The following HDAC9 variants were observed in gnomAD, a reference collection of about 807,000 sequenced individuals.
HDAC9 encodes the protein MEF-2 interacting transcription repressor (MITR) protein.
Under a neutral mutation model 139.4 loss-of-function variants are expected in HDAC9, and 41 were observed. The observed-to-expected ratio is 0.29, with a 90% confidence interval of 0.23 to 0.38. HDAC9 has a LOEUF of 0.38. HDAC9 is among the 10% of genes least tolerant of loss of function. The pLI, the probability that HDAC9 is intolerant of heterozygous loss-of-function variation, is 1.00. For missense variants in HDAC9, 1,147 were observed against 1,297.0 expected, an observed-to-expected ratio of 0.88 and a Z score of 1.78; for synonymous variants, 517 against 476.2, an observed-to-expected ratio of 1.09 and a Z score of -1.12.
chr7:18,218,326 C>A (rs1226506064), intron 2 of HDAC9, among the ~76,000 whole-genome samples: 1 of 152,024 alleles, frequency 6.6e-6, no homozygotes, highest in African/African-American at 2.4e-5. Flanking sequence ...CGCCTGTAAT[C>A]CCAGTTACTC....
At chr7:18,791,404 T>G (rs1286786222) in intron 16 of HDAC9, among the ~76,000 whole-genome samples, 1 of 152,188 alleles carries the variant, frequency 6.6e-6, no homozygotes, top group African/African-American at 2.4e-5. Flanking sequence ...CTAAAACCTA[T>G]ATAATACATG....
At chr7:18,699,476 C>A (rs1249851454) in intron 12 of HDAC9, among the ~76,000 whole-genome samples, 1 of 151,988 alleles carries the variant, frequency 6.6e-6, no homozygotes, top group Non-Finnish European at 1.5e-5. Context: ...AATCAGAATT[C>A]CTTAGTGCAA....
intron 11 of HDAC9, among the ~76,000 whole-genome samples, chr7:18,658,414 A>G (rs1237998546): frequency 1.3e-5 from 2 of 152,098 alleles, no homozygotes; most frequent in Admixed American, 6.6e-5. Flanking sequence ...GAACCAGAGG[A>G]AAAAAAATTT....
intron 2 of HDAC9, chr7:18,543,607 T>C (rs1813723240): frequency 6.6e-6 from 1 of 152,184 alleles, no homozygotes; most frequent in Admixed American, 6.5e-5. Context: ...TTTAAAAATA[T>C]GAATTGAGAT....
At chr7:18,914,199 C>T (rs1159525414) in intron 22 of HDAC9, among the ~76,000 whole-genome samples, 2 of 151,584 alleles carry the variant, frequency 1.3e-5, no homozygotes, top group Non-Finnish European at 2.9e-5. Context: ...AGTACTGAAT[C>T]TCCTATCAAT....
rs115906978 is a variant in HDAC9 at position 18,094,323 on chromosome 7, A to G, written c.-97+7110A>G. ...CTCTAAATAAACTTAATTTCTTCAT[A>G]TAGGTTTTAGATTTCCTAAACTAGA... is the stretch of plus-strand genomic sequence containing the variant. On this transcript the variant is annotated intron_variant, in intron 1 of 12. Transcript: ENST00000417496. 1.7e-3 allele frequency among the ~76,000 whole-genome samples: 252 copies of G among 152,294 alleles called. 2 individuals are homozygous for G. The highest frequency in any genetic ancestry group is 5.9e-3 in the African/African-American group (246 of 41,566).
At chr7:18,279,654 T>C (rs947490811) in intron 2 of HDAC9, among the ~76,000 whole-genome samples, 2 of 151,816 alleles carry the variant, frequency 1.3e-5, no homozygotes, top group East Asian at 1.9e-4. Flanking sequence ...TTAGTAGAGA[T>C]GGGATTTCAC....
chr7:18,830,248 C>T (rs1474513918), intron 19 of HDAC9, among the ~76,000 whole-genome samples: 1 of 152,100 alleles, frequency 6.6e-6, no homozygotes, highest in Non-Finnish European at 1.5e-5. Flanking sequence ...AAAGGACCAA[C>T]CCAGGAAAGG....
rs562309988 is a variant in HDAC9, at chr7:18,162,561, T to C, written c.25+212T>C. ...CCTGGACAACTGATTTGATTTGCAT[T>C]GTAGTCTGAGCATGGGACTTTAATT... On this transcript the variant is annotated intron_variant, in intron 2 of 12. Coordinates refer to the HDAC9 transcript ENST00000417496. 3 of 576,564 alleles carry C rather than the reference T, an allele frequency of 5.2e-6. No homozygotes were observed. The East Asian group carries it at 8.8e-5, about 17-fold the overall frequency. 35.7% of individuals were successfully genotyped at this position (576,564 alleles called of 1,614,324 possible).
intron 1 of HDAC9, among the ~76,000 whole-genome samples, chr7:18,399,710 C>T (rs922101688): frequency 3.3e-5 from 5 of 152,152 alleles, no homozygotes; most frequent in Admixed American, 2.6e-4. Flanking sequence ...TGAGGTTCAG[C>T]AGAGTGTTTG....
chr7:18,739,503 CT>C (rs1157371611), intron 13 of HDAC9, among the ~76,000 whole-genome samples: 1 of 152,090 alleles, frequency 6.6e-6, no homozygotes, highest in Non-Finnish European at 1.5e-5. Flanking sequence ...GTTAGTTTTC[CT>C]TCTAACCATC....
At chr7:18,456,749 A>G (rs1372618628) in intron 1 of HDAC9, among the ~76,000 whole-genome samples, 1 of 152,122 alleles carries the variant, frequency 6.6e-6, no homozygotes, top group African/African-American at 2.4e-5. Flanking sequence ...CTGTGTACTT[A>G]CTTAAATGGG....
intron 2 of HDAC9, among the ~76,000 whole-genome samples, chr7:18,218,163 G>T (rs955363160): frequency 6.6e-6 from 1 of 152,114 alleles, no homozygotes; most frequent in Non-Finnish European, 1.5e-5. Context: ...TTACATACTG[G>T]CTGGGTGCAG....
At chr7:18,361,971 C>T (rs976730351) in intron 1 of HDAC9, among the ~76,000 whole-genome samples, 11 of 152,154 alleles carry the variant, frequency 7.2e-5, no homozygotes, top group Non-Finnish European at 1.2e-4. Flanking sequence ...TTTCTTGGTT[C>T]AAGGACAAGT....
rs111910244 is a variant in HDAC9 at position 18,365,160 on chromosome 7, G to C, written c.-42+74645G>C. On this transcript the variant is annotated intron_variant, in intron 1 of 3. Transcript: ENST00000413509. Reference sequence around the variant, plus strand: ...AGATATGTAATTAGGTGTCTTCAGGGCTGTTTGCTGGGAGTAAGTAGGGCA... The same window carrying C: ...AGATATGTAATTAGGTGTCTTCAGGCCTGTTTGCTGGGAGTAAGTAGGGCA... Among the ~76,000 whole-genome samples, 839 of 152,148 alleles carry C rather than the reference G, an allele frequency of 5.5e-3. 7 individuals carry two copies. The highest frequency in any genetic ancestry group is 0.018 in the African/African-American group (744 of 41,530).
chr7:18,845,735 C>A (rs1214494453), intron 21 of HDAC9, among the ~76,000 whole-genome samples: 1 of 151,952 alleles, frequency 6.6e-6, no homozygotes, highest in Non-Finnish European at 1.5e-5. Context: ...TCACAAAGAG[C>A]AACAACGACA....
chr7:18,937,701 A>C (rs560169042), intron 23 of HDAC9, among the ~76,000 whole-genome samples: 3 of 152,292 alleles, frequency 2.0e-5, no homozygotes, highest in African/African-American at 7.2e-5. Context: ...TTGCATTATA[A>C]AGGCTTACAC....
chr7:18,832,936 A>G (rs570893912), intron 19 of HDAC9, among the ~76,000 whole-genome samples: 35 of 152,032 alleles, frequency 2.3e-4, no homozygotes, highest in Non-Finnish European at 4.3e-4. Context: ...GGGTTTCTCC[A>G]TGTAGGTCAG....
intron 1 of HDAC9, among the ~76,000 whole-genome samples, chr7:18,327,225 G>A (rs1800521834): frequency 6.6e-6 from 1 of 151,538 alleles, no homozygotes; most frequent in African/African-American, 2.4e-5. Context: ...TTGTGTTTAG[G>A]GAAATAAGCT....
Sources: allele counts gnomAD v4.1 joint callset (sites outside exome capture counted in the v4.1 genomes callset), GRCh38; gene constraint gnomAD v4.1.1; transcripts MANE v1.5; gene names NCBI Gene and HGNC (gene_info 2026-07-23, HGNC 2026-07-21).